OSBPL9: variants seen among roughly 807,000 people sequenced by gnomAD.
OSBPL9 encodes oxysterol binding protein like 9.
Under a neutral mutation model 106.6 loss-of-function variants are expected in OSBPL9, and 40 were observed. The ratio of observed to expected loss-of-function variants is 0.38; its 90% CI spans 0.29 to 0.49. The LOEUF (loss-of-function observed/expected upper bound fraction) is 0.49, where lower values mean the gene tolerates loss of function less well. Ranked by LOEUF, OSBPL9 falls within the 20% of genes least tolerant of loss-of-function variation. The pLI, the probability that OSBPL9 is intolerant of heterozygous loss-of-function variation, is 0.97. For synonymous variants in OSBPL9, 269 were observed against 295.4 expected (o/e 0.91, Z 0.92); for missense variants, 609 against 887.2 (o/e 0.69, Z 3.98).
chr1:51,678,745 A>G (rs1299461950), intron 3 of OSBPL9, among the ~76,000 whole-genome samples: 1 of 152,216 alleles, frequency 6.6e-6, no homozygotes, highest in Non-Finnish European at 1.5e-5. Context: ...TTTAATTCAG[A>G]GAAGTTATAT....
intron 16 of OSBPL9, 70 bp from the exon 17 acceptor site, chr1:51,782,489 A>T: frequency 7.3e-7 from 1 of 1,375,684 alleles, no homozygotes; most frequent in Non-Finnish European, 1.0e-6. Context: ...AGAGACCCCA[A>T]TTACCAGATT....
At chr1:51,745,731 CAT>C (rs898174038) in intron 5 of OSBPL9, 100 bp downstream of exon 5, 9 of 1,338,922 alleles carry the variant, frequency 6.7e-6, no homozygotes, top group African/African-American at 4.6e-5. Context: ...TTACAGCCCT[CAT>C]GTGGTTCTTC....
At chr1:51,619,967 T>A (rs971409695) in intron 1 of OSBPL9, among the ~76,000 whole-genome samples, 5 of 152,178 alleles carry the variant, frequency 3.3e-5, no homozygotes, top group African/African-American at 1.2e-4. Flanking sequence ...TCTGTGGTTG[T>A]TAATATATTC....
intron 2 of OSBPL9, among the ~76,000 whole-genome samples, chr1:51,667,444 T>C (rs1016449790): frequency 2.0e-5 from 3 of 152,182 alleles, no homozygotes; most frequent in African/African-American, 7.2e-5. Flanking sequence ...TCTGGACATT[T>C]TTTGTAAGTA....
Position 51,784,345 on chromosome 1 carries a change from C to G in OSBPL9, c.1688+18C>G. 1.2e-6 allele frequency: 2 copies of G among 1,611,666 alleles called. No individual in the cohort carries two copies. The highest frequency in any genetic ancestry group is 1.7e-6 in the Non-Finnish European group (2 of 1,177,738). Reference sequence around the variant, plus strand: ...TATGGAAGGCAAGTGTGTCCATTTCCTCTGATCAGCAGTAGACTCTGCTGT... The same window carrying G: ...TATGGAAGGCAAGTGTGTCCATTTCGTCTGATCAGCAGTAGACTCTGCTGT... On this transcript the variant is annotated intron_variant, in intron 19 of 23. Coordinates refer to ENST00000428468, the MANE Select transcript of OSBPL9 (RefSeq NM_024586.6).
chr1:51,588,988 G>T (rs141949228), intron 1 of OSBPL9, among the ~76,000 whole-genome samples: 1 of 152,298 alleles, frequency 6.6e-6, no homozygotes, highest in African/African-American at 2.4e-5. Flanking sequence ...GAGATAGTAA[G>T]CATGCAAAGG....
At chr1:51,706,953 C>A (rs1658680915) in intron 3 of OSBPL9, among the ~76,000 whole-genome samples, 1 of 152,166 alleles carries the variant, frequency 6.6e-6, no homozygotes, top group Non-Finnish European at 1.5e-5. Context: ...TGGTACATGA[C>A]AAGGTGGGGC....
chr1:51,567,759 T>G, the OSBPL9 span: 1 of 152,222 alleles, frequency 6.6e-6, no homozygotes, highest in Non-Finnish European at 1.5e-5. Flanking sequence ...CACCCTGCAC[T>G]TGATGGTCTT....
At chr1:51,718,228 G>T (rs149948519) in intron 4 of OSBPL9, among the ~76,000 whole-genome samples, 1 of 152,180 alleles carries the variant, frequency 6.6e-6, no homozygotes, top group Non-Finnish European at 1.5e-5. Context: ...GCGTATAAGT[G>T]TAGGGGGAGT....
chr1:51,715,164 GCCCTACAAGATAGTAAAC>G (rs991475301), intron 4 of OSBPL9, among the ~76,000 whole-genome samples: 1 of 152,078 alleles, frequency 6.6e-6, no homozygotes, highest in African/African-American at 2.4e-5. Flanking sequence ...GGTATCTTAG[GCCCTACAAGATAGTAAAC>G]CCCCCATCAC....
At chr1:51,565,411 T>A in the OSBPL9 span, 1 of 152,218 alleles carries the variant, frequency 6.6e-6, no homozygotes, top group African/African-American at 2.4e-5. Flanking sequence ...TGGAATGTCT[T>A]CCCTCCACCC....
chr1:51,701,273 T>G (rs1003892526), intron 3 of OSBPL9, among the ~76,000 whole-genome samples: 2 of 152,222 alleles, frequency 1.3e-5, no homozygotes, highest in African/African-American at 4.8e-5. Flanking sequence ...AGATGTCTCA[T>G]CTCCCCTACT....
At chr1:51,743,308 T>TAC (rs1667320328) in intron 4 of OSBPL9, among the ~76,000 whole-genome samples, 1 of 152,136 alleles carries the variant, frequency 6.6e-6, no homozygotes, top group Admixed American at 6.5e-5. Flanking sequence ...TAAAAGAAGG[T>TAC]TATGGAAGAC....
chr1:51,677,594 C>G (rs1211377127), intron 3 of OSBPL9, among the ~76,000 whole-genome samples: 2 of 151,964 alleles, frequency 1.3e-5, no homozygotes, highest in Non-Finnish European at 2.9e-5. Flanking sequence ...GCTTGTCGCC[C>G]AGGCTGGAGT....
the OSBPL9 span, among the ~76,000 whole-genome samples, chr1:51,526,224 T>C: frequency 6.6e-6 from 1 of 152,162 alleles, no homozygotes; most frequent in Non-Finnish European, 1.5e-5. Context: ...TTTTCCTGGT[T>C]AAAACCCTAC....
At chr1:51,522,117 G>C in the OSBPL9 span, among the ~76,000 whole-genome samples, 1 of 152,120 alleles carries the variant, frequency 6.6e-6, no homozygotes, top group Admixed American at 6.5e-5. Flanking sequence ...TTGTTGAATT[G>C]AACTGAATAC....
intron 1 of OSBPL9, among the ~76,000 whole-genome samples, chr1:51,639,168 T>C (rs894892120): frequency 1.3e-5 from 2 of 152,226 alleles, no homozygotes; most frequent in Non-Finnish European, 2.9e-5. Context: ...AATCAAAATA[T>C]GAAGCATTGT....
Position 51,729,798 on chromosome 1 carries a change from G to A in OSBPL9, c.318+15719G>A, listed in dbSNP as rs1026287493. 1 of 1,236,122 alleles carries A rather than the reference G, an allele frequency of 8.1e-7. No individual in the cohort carries two copies. The highest frequency in any genetic ancestry group is 1.0e-6 in the Non-Finnish European group (1 of 982,926). 76.6% of individuals were successfully genotyped at this position (1,236,122 alleles called of 1,614,324 possible). On this transcript the variant is annotated intron_variant, in intron 4 of 23. Transcript: ENST00000428468. The surrounding 1 kb of genome is among the most constrained non-coding windows in gnomAD (Gnocchi z 5.1). Reference sequence around the variant, plus strand: ...CGACCCCTCCGCCGGGGAGGGGACGGGAAAGGGGTGGGGGGTGAAGGGGGT... The same window carrying A: ...CGACCCCTCCGCCGGGGAGGGGACGAGAAAGGGGTGGGGGGTGAAGGGGGT...
chr1:51,780,203 T>TAA (rs78426387), intron 15 of OSBPL9, among the ~76,000 whole-genome samples: 1 of 142,054 alleles, frequency 7.0e-6, no homozygotes. Context: ...ATGGCCATAT[T>TAA]AAAAAAAAAA....
Sources: gnomAD v4.1 joint callset for allele counts (sites outside exome capture counted in the v4.1 genomes callset) on GRCh38, gnomAD v4.1.1 for gene constraint, Gnocchi (gnomAD v3.1) non-coding constraint, MANE v1.5 for transcripts, NCBI Gene and HGNC (gene_info 2026-07-23, HGNC 2026-07-21) for gene names.